Variants in ZNF208 observed in about 807,000 individuals in gnomAD.
ZNF208 encodes the protein zinc finger protein 208, also known as zinc finger protein 95.
Under a neutral mutation model 12.1 loss-of-function variants are expected in ZNF208, and 10 were observed. That is an observed-to-expected ratio of 0.83 (90% CI 0.51 to 1.40). The LOEUF (loss-of-function observed/expected upper bound fraction) is 1.40, where lower values mean the gene tolerates loss of function less well. Among genes scored for constraint, ZNF208 ranks in the 40% most tolerant of loss-of-function variants. The pLI, the probability that ZNF208 is intolerant of heterozygous loss-of-function variation, is 0.00. For synonymous variants in ZNF208, 497 were observed against 488.4 expected (o/e 1.02, Z -0.23); for missense variants, 1,652 against 1,485.0 (o/e 1.11, Z -1.85).
intron 1 of ZNF208, chr19:21,998,397 T>G (rs1379890021): frequency 6.6e-6 from 1 of 152,442 alleles, no homozygotes; most frequent in Non-Finnish European, 1.5e-5. Flanking sequence ...GACCTCGTGA[T>G]CCACCTGCCT....
In ZNF208 at chr19:21,972,312, C is replaced by G; in HGVS notation, c.2722G>C (p.Glu908Gln). The change falls in exon 4 of 4, where the codon GAG (glutamate) becomes CAG (glutamine). Residue 908 changes from glutamate (E) to glutamine (Q), a missense_variant. Physicochemically the swap from Glu to Gln is conservative, Grantham distance 29. Around this residue, in one of 3 missense-constraint regions of ZNF208, gnomAD observed 1,239 missense variants for 1,086.2 expected, o/e 1.14. Coordinates refer to ENST00000397126, the MANE Select transcript of ZNF208 (RefSeq NM_007153.3). ...FSMFSILTKH[E>Q]VIHTGEKPYK... ...GGTTTCTCTCCAGTATGAATTACCTCATGTTTAGTAAGGATGGAGAACATA... is the reference window on the plus strand; with the variant it reads ...GGTTTCTCTCCAGTATGAATTACCTGATGTTTAGTAAGGATGGAGAACATA... 6.3e-7 allele frequency: 1 copy of G among 1,588,266 alleles called. No homozygotes were observed. The highest frequency in any genetic ancestry group is 1.1e-5 in the South Asian group (1 of 88,622).
At chr19:21,960,283 TTCAA>T (rs1458831364) in intron 4 of ZNF208, among the ~76,000 whole-genome samples, 1 of 152,082 alleles carries the variant, frequency 6.6e-6, no homozygotes, top group East Asian at 1.9e-4. Flanking sequence ...ACTTTATTGT[TTCAA>T]TCAGCCAAAA....
At chr19:21,993,858 G>T (rs1230402940) in intron 1 of ZNF208, among the ~76,000 whole-genome samples, 1 of 152,082 alleles carries the variant, frequency 6.6e-6, no homozygotes, top group East Asian at 1.9e-4. Flanking sequence ...AGCAATTTCT[G>T]AGTAAGTCTG....
chr19:21,974,429 T>A lies in ZNF208; in HGVS notation c.605A>T (p.Lys202Ile), dbSNP rs375556328. Residue 202 changes from lysine (K) to isoleucine (I), a missense_variant, in exon 4 of 4, where the codon AAA (lysine) becomes ATA (isoleucine). Lys to Ile is a moderately radical substitution (Grantham distance 102). Around this residue, in one of 3 missense-constraint regions of ZNF208, gnomAD observed 410 missense variants for 378.2 expected, o/e 1.08. Coordinates refer to ENST00000397126, the MANE Select transcript of ZNF208 (RefSeq NM_007153.3). ...KRIYTRENSYKCEEGGKAFNW... is the reference protein window; with the variant it reads ...KRIYTRENSYICEEGGKAFNW... ...AAAAGCTTTGCCACCTTCTTCACAT[T>A]TGTAGGAATTCTCTCTAGTATAAAT... 242 of 1,613,662 alleles carry A rather than the reference T, an allele frequency of 1.5e-4. No individual in the cohort carries two copies. The highest frequency in any genetic ancestry group is 2.3e-4 in the Admixed American group (14 of 59,964).
intron 3 of ZNF208, among the ~76,000 whole-genome samples, chr19:21,979,921 G>C (rs1183778715): frequency 6.6e-6 from 1 of 152,074 alleles, no homozygotes; most frequent in Non-Finnish European, 1.5e-5. Flanking sequence ...AGCAGGGGTT[G>C]CAATTCTAGT....
At chr19:21,990,679 T>C (rs975508959) in intron 1 of ZNF208, among the ~76,000 whole-genome samples, 2 of 152,216 alleles carry the variant, frequency 1.3e-5, no homozygotes, top group African/African-American at 4.8e-5. Flanking sequence ...TAAATTACCT[T>C]GAATCTATAA....
intron 1 of ZNF208, among the ~76,000 whole-genome samples, chr19:21,991,207 G>A (rs1970727041): frequency 6.6e-6 from 1 of 152,126 alleles, no homozygotes; most frequent in South Asian, 2.1e-4. Context: ...AATGCTTCCA[G>A]TTTTTGCCGA....
In ZNF208 at chr19:21,972,027, A is replaced by C. The variant is rs181871198; in HGVS notation, c.3007T>G (p.Cys1003Gly). The change falls in exon 4 of 4, where the codon TGT becomes GGT. Residue 1003 changes from cysteine (C) to glycine (G), a missense_variant. Coordinates refer to ENST00000397126, the MANE Select transcript of ZNF208 (RefSeq NM_007153.3). ...VIHTGEKPYK[C>G]EECGKAFNWS... is the part of the protein sequence containing the mutation. ...TTGAAAGCTTTGCCACATTCTTCAC[A>C]TTTGTAGGGTTTCTCTCCAGTATGA... The C allele has an allele frequency of 6.2e-7, 1 of 1,613,840 alleles. No individual in the cohort carries two copies. Among genetic ancestry groups the C allele is most frequent in the Admixed American group, 1.7e-5 (1 of 59,942 alleles).
chr19:21,958,015 G>A (rs1970003628), intron 4 of ZNF208, among the ~76,000 whole-genome samples: 2 of 151,816 alleles, frequency 1.3e-5, no homozygotes, highest in South Asian at 4.2e-4. Context: ...CCCCCGGAGT[G>A]TGATGTTTCC....
chr19:21,956,668 T>C (rs559714971), intron 4 of ZNF208, among the ~76,000 whole-genome samples: 60 of 152,208 alleles, frequency 3.9e-4, no homozygotes, highest in Non-Finnish European at 7.2e-4. Context: ...TGGTGTGCCA[T>C]TTGCTAAGAC....
intron 1 of ZNF208, chr19:21,991,490 T>C (rs6511309): frequency 0.78 from 118,682 of 152,124 alleles, 47,016 homozygotes; most frequent in African/African-American, 0.92. Context: ...CCTGTAATCC[T>C]AGCACTTTGG....
At chr19:21,956,617 G>A (rs1969982942) in intron 4 of ZNF208, among the ~76,000 whole-genome samples, 1 of 152,176 alleles carries the variant, frequency 6.6e-6, no homozygotes, top group Non-Finnish European at 1.5e-5. Flanking sequence ...AAGGCTCCTT[G>A]GGCATGGGAC....
chr19:21,995,309 A>C (rs781186119), intron 1 of ZNF208, among the ~76,000 whole-genome samples: 1 of 152,112 alleles, frequency 6.6e-6, no homozygotes, highest in Non-Finnish European at 1.5e-5. Context: ...TATCTGTTTG[A>C]GCCTCCAGAC....
At position 21,973,943 on chromosome 19, in the gene ZNF208, G is replaced by A. The variant is rs374786326; in HGVS notation, c.1091C>T (p.Thr364Ile). ...TTCACATTTGTAGGGTTTCTCTCCA[G>A]TATGAATTACCTTATGTTTAGTAAG... ...SILTKHKVIH[T>I]GEKPYKCEEC... The change falls in exon 4 of 4, where the codon ACT becomes ATT. Residue 364 changes from threonine (T) to isoleucine (I), a missense_variant. This residue lies in a region of ZNF208 where 1,239 missense variants were observed against 1,086.2 expected (regional missense o/e 1.14). Coordinates refer to ENST00000397126, the MANE Select transcript of ZNF208 (RefSeq NM_007153.3). The A allele has an allele frequency of 8.1e-6, 13 of 1,613,310 alleles. No homozygotes were observed. In the African/African-American group the frequency reaches 1.6e-4, roughly 20 times the overall value.
chr19:21,989,334 G>A (rs992152317), intron 1 of ZNF208, among the ~76,000 whole-genome samples: 5 of 147,088 alleles, frequency 3.4e-5, no homozygotes, highest in Non-Finnish European at 7.4e-5. Context: ...AAGAACATGC[G>A]GTGTTTGGTT....
chr19:21,975,160 G>T (rs562997976), intron 3 of ZNF208, among the ~76,000 whole-genome samples: 1 of 151,900 alleles, frequency 6.6e-6, no homozygotes, highest in African/African-American at 2.4e-5. Context: ...GTGTTTTTTT[G>T]TTTTGTTTTG....
chr19:22,007,241 C>T (rs1470645882), intron 1 of ZNF208, among the ~76,000 whole-genome samples: 1 of 152,152 alleles, frequency 6.6e-6, no homozygotes, highest in Non-Finnish European at 1.5e-5. Flanking sequence ...ACCTGAGGGC[C>T]GGGCACGGTG....
chr19:22,006,346 G>GTAA (rs1971043902), intron 1 of ZNF208, among the ~76,000 whole-genome samples: 1 of 151,610 alleles, frequency 6.6e-6, no homozygotes, highest in African/African-American at 2.4e-5. Context: ...TCCTCCTGTT[G>GTAA]TAATACTCCT....
Position 21,974,200 on chromosome 19 carries a change from A to T in ZNF208, c.834T>A (p.Ile278=). Residue 278 remains isoleucine, a synonymous_variant, in exon 4 of 4, where the codon ATT becomes ATA. Transcript: ENST00000397126. ...ATTTGTTGGGTTTCTCTCCAGTATG[A>T]ATTATCTTATGTTTAGTAAGGATTG... ...QSAILTKHKI[I]HTGEKPNKCE... The T allele has an allele frequency of 6.2e-7, 1 of 1,603,024 alleles. No homozygotes were observed. Among genetic ancestry groups the T allele is most frequent in the Non-Finnish European group, 8.5e-7 (1 of 1,171,220 alleles).
Sources: allele counts gnomAD v4.1 joint callset (sites outside exome capture counted in the v4.1 genomes callset), GRCh38; gene constraint gnomAD v4.1.1; regional missense constraint gnomAD v4.1.1; transcripts MANE v1.5; gene names NCBI Gene and HGNC (gene_info 2026-07-23, HGNC 2026-07-21).